BIN3: variants seen among roughly 807,000 people sequenced by gnomAD.
BIN3 encodes bridging integrator 3.
BIN3 carries 41 observed loss-of-function variants against 38.2 expected under a neutral mutation model. The ratio of observed to expected loss-of-function variants is 1.07; its 90% confidence interval spans 0.84 to 1.39. BIN3 has a LOEUF of 1.39. Among genes scored for constraint, BIN3 ranks in the 40% most tolerant of loss-of-function variants. The probability of loss-of-function intolerance (pLI) is 0.00; values close to 1 mark genes in which losing one functional copy is unlikely to be tolerated. For missense variants in BIN3, 361 were observed against 324.3 expected (o/e 1.11, Z -0.87); for synonymous variants, 145 against 122.6 (o/e 1.18, Z -1.21).
At chr8:22,667,028 C>T (rs1803443403) in intron 1 of BIN3, among the ~76,000 whole-genome samples, 1 of 152,190 alleles carries the variant, frequency 6.6e-6, no homozygotes, top group African/African-American at 2.4e-5. Context: ...ATTGTGTGCC[C>T]AGGCGCCGGT....
At chr8:22,631,300 A>C (rs1240789172) in intron 4 of BIN3, among the ~76,000 whole-genome samples, 2 of 151,960 alleles carry the variant, frequency 1.3e-5, no homozygotes, top group Non-Finnish European at 2.9e-5. Context: ...TACAGGCGGG[A>C]CTGGGACAGC....
intron 4 of BIN3, among the ~76,000 whole-genome samples, chr8:22,631,375 G>A (rs1802196580): frequency 6.6e-6 from 1 of 152,114 alleles, no homozygotes; most frequent in African/African-American, 2.4e-5. Flanking sequence ...TGGAAACCTG[G>A]GGACTTGTAC....
At position 22,623,993 on chromosome 8, in the gene BIN3, C is replaced by G. The variant is rs1563941644; in HGVS notation, c.537G>C (p.Leu179=). ...REDFEAKNRQ[L]LEEMPRFYGS... ...CGTAGAAGCGCGGCATCTCCTCCAG[C>G]AGCTGCCTGTTCTTGGCTTCAAAGT... The change falls in exon 8 of 9, where the codon CTG becomes CTC. Residue 179 remains leucine, a synonymous_variant. Transcript: ENST00000276416. 1.2e-6 allele frequency: 2 copies of G among 1,612,900 alleles called. No homozygotes were observed. The highest frequency in any genetic ancestry group is 1.7e-6 in the Non-Finnish European group (2 of 1,179,734).
intron 1 of BIN3, among the ~76,000 whole-genome samples, chr8:22,665,633 G>C (rs1416756715): frequency 6.6e-6 from 1 of 151,992 alleles, no homozygotes; most frequent in Non-Finnish European, 1.5e-5. Context: ...AGAAGGGACA[G>C]TTATCCAGAG....
At chr8:22,648,894 C>CGTATGTATGTATGTATGTATGTAT in intron 1 of BIN3, among the ~76,000 whole-genome samples, 1 of 148,016 alleles carries the variant, frequency 6.8e-6, no homozygotes, top group East Asian at 2.0e-4. Context: ...TCCACATCAA[C>CGTATGTATGTATGTATGTATGTAT]GTATGTATGT....
At chr8:22,632,858 G>A (rs1350864200) in intron 4 of BIN3, among the ~76,000 whole-genome samples, 1 of 152,064 alleles carries the variant, frequency 6.6e-6, no homozygotes, top group African/African-American at 2.4e-5. Flanking sequence ...ACAGGTGCCT[G>A]CCATCACACC....
At chr8:22,663,440 TAAAAAAAAAAAA>T (rs35060338) in intron 1 of BIN3, among the ~76,000 whole-genome samples, 1 of 128,690 alleles carries the variant, frequency 7.8e-6, no homozygotes, top group Non-Finnish European at 1.6e-5. Context: ...CCGATTTGTT[TAAAAAAAAAAAA>T]AAAAAAAAAA....
intron 6 of BIN3, among the ~76,000 whole-genome samples, chr8:22,626,823 C>T (rs1332447784): frequency 6.6e-6 from 1 of 152,208 alleles, no homozygotes; most frequent in Non-Finnish European, 1.5e-5. Context: ...CCAACATCCC[C>T]TGAGGCACTC....
chr8:22,630,413 T>C, intron 5 of BIN3, 29 bp downstream of exon 5: 4 of 1,612,440 alleles, frequency 2.5e-6, no homozygotes, highest in Non-Finnish European at 3.4e-6. Context: ...GAAGTCATGC[T>C]TGCCCACCCC....
chr8:22,665,852 T>C (rs762369651), intron 1 of BIN3, among the ~76,000 whole-genome samples: 1 of 152,030 alleles, frequency 6.6e-6, no homozygotes, highest in African/African-American at 2.4e-5. Flanking sequence ...CAGACAGAGG[T>C]AGAAGACCCC....
chr8:22,636,050 CAT>C (rs1802355030), intron 4 of BIN3, among the ~76,000 whole-genome samples: 1 of 152,230 alleles, frequency 6.6e-6, no homozygotes, highest in African/African-American at 2.4e-5. Context: ...CCTTTGTCAT[CAT>C]AGAATTATCT....
intron 1 of BIN3, among the ~76,000 whole-genome samples, chr8:22,657,615 G>C (rs1260031155): frequency 6.6e-6 from 1 of 152,228 alleles, no homozygotes; most frequent in African/African-American, 2.4e-5. Flanking sequence ...CTCTGCCAGA[G>C]AAGTCGGCAA....
intron 4 of BIN3, 51 bp from the exon 5 acceptor site, chr8:22,630,629 G>A (rs1802164267): frequency 6.2e-6 from 10 of 1,605,236 alleles, no homozygotes; most frequent in South Asian, 4.4e-5. Flanking sequence ...CAGGTTTCAC[G>A]GCCTTCTCTC....
chr8:22,634,470 C>T, intron 4 of BIN3: 1 of 456,240 alleles, frequency 2.2e-6, no homozygotes, highest in Non-Finnish European at 4.4e-6. Context: ...CTTTTGTGAT[C>T]AGTGCTTTGT....
At chr8:22,637,112 C>T (rs1802393120) in intron 2 of BIN3, 150 bp from the exon 3 acceptor site, 1 of 709,366 alleles carries the variant, frequency 1.4e-6, no homozygotes, top group Non-Finnish European at 2.5e-6. Flanking sequence ...TCGCTCCTGA[C>T]ACGGTATTTC....
chr8:22,666,661 G>T (rs1231732277), intron 1 of BIN3, among the ~76,000 whole-genome samples: 1 of 152,134 alleles, frequency 6.6e-6, no homozygotes, highest in Non-Finnish European at 1.5e-5. Context: ...GAGAACAAAG[G>T]CCTCTCACTC....
At chr8:22,621,709 G>A in intron 8 of BIN3, 141 bp from the exon 9 acceptor site, 1 of 860,020 alleles carries the variant, frequency 1.2e-6, no homozygotes, top group Non-Finnish European at 1.8e-6. Context: ...GGATATGCAG[G>A]GCACGGAAGG....
At chr8:22,668,988 CA>C in intron 1 of BIN3, 55 bp downstream of exon 1, 1 of 1,555,004 alleles carries the variant, frequency 6.4e-7, no homozygotes, top group South Asian at 1.2e-5. Context: ...GACACAGGGC[CA>C]GGGGCCTCGC....
At chr8:22,635,691 T>C (rs972583710) in intron 4 of BIN3, among the ~76,000 whole-genome samples, 1 of 152,206 alleles carries the variant, frequency 6.6e-6, no homozygotes, top group African/African-American at 2.4e-5. Context: ...GTGACGGAAC[T>C]GAGGTAGAGC....
Sources: gnomAD v4.1 joint callset for allele counts (sites outside exome capture counted in the v4.1 genomes callset) on GRCh38, gnomAD v4.1.1 for gene constraint, MANE v1.5 for transcripts, NCBI Gene and HGNC (gene_info 2026-07-23, HGNC 2026-07-21) for gene names.